The following ZBTB1 variants were observed in gnomAD, a reference collection of about 807,000 sequenced individuals.
The protein encoded by ZBTB1 is zinc finger and BTB domain-containing protein 1.
A neutral mutation model predicts 51.6 loss-of-function variants in ZBTB1; 13 were observed. That is an observed-to-expected ratio of 0.25 (90% CI 0.16 to 0.40). The LOEUF is 0.40. Among genes scored for constraint, ZBTB1 ranks in the 10% least tolerant of loss-of-function variants. The pLI is 1.00. For missense variants in ZBTB1, 567 were observed against 856.5 expected, an observed-to-expected ratio of 0.66 and a Z score of 4.22; for synonymous variants, 240 against 282.2, an observed-to-expected ratio of 0.85 and a Z score of 1.50.
Position 64,521,975 on chromosome 14 carries a change from C to T in ZBTB1, c.471C>T (p.Asn157=). ...TGGCTCGAAATGGCAATGAAGCCAACAGGTGGTGTGCAGAGCCAAGTTCAA... is the reference window on the plus strand; with the variant it reads ...TGGCTCGAAATGGCAATGAAGCCAATAGGTGGTGTGCAGAGCCAAGTTCAA... The part of the protein sequence containing the change: ...DTVARNGNEA[N]RWCAEPSSTV... Residue 157 remains asparagine, a synonymous_variant, in exon 2 of 2, where the codon AAC becomes AAT. Transcript: ENST00000683701. 6.2e-7 allele frequency: 1 copy of T among 1,614,150 alleles called. No individual in the cohort carries two copies. The highest frequency in any genetic ancestry group is 8.5e-7 in the Non-Finnish European group (1 of 1,180,038).
intron 1 of ZBTB1, among the ~76,000 whole-genome samples, chr14:64,520,761 C>G (rs1322489982): frequency 6.6e-6 from 1 of 152,096 alleles, no homozygotes; most frequent in Non-Finnish European, 1.5e-5. Context: ...TAGTATTAAT[C>G]ATTTAATAAG....
At chr14:64,516,740 G>T (rs2079790743) in intron 1 of ZBTB1, 1 of 152,136 alleles carries the variant, frequency 6.6e-6, no homozygotes, top group South Asian at 2.1e-4. Flanking sequence ...TACAGTGCCT[G>T]GTATACCAAA....
intron 1 of ZBTB1, among the ~76,000 whole-genome samples, chr14:64,507,163 T>G (rs961297006): frequency 3.5e-4 from 53 of 152,280 alleles, no homozygotes; most frequent in African/African-American, 1.3e-3. Context: ...AGATTTTTGT[T>G]AATAAGCTGC....
chr14:64,529,496 G>C (rs879739640), downstream of ZBTB1, among the ~76,000 whole-genome samples: 17 of 152,174 alleles, frequency 1.1e-4, no homozygotes, highest in Admixed American at 2.6e-4. Context: ...TCTTAGCCAG[G>C]CACAGTAGCT....
In ZBTB1 at chr14:64,522,343, A is replaced by G; in HGVS notation, c.839A>G (p.Gln280Arg). 1 of 1,614,220 alleles carries G rather than the reference A, an allele frequency of 6.2e-7. No homozygotes were observed. ...GATTCTTCCAAAACATTTTCTGCACAGACGGACAAATACAGAGGAGACACA... is the reference window on the plus strand; with the variant it reads ...GATTCTTCCAAAACATTTTCTGCACGGACGGACAAATACAGAGGAGACACA... ...EKDSSKTFSA[Q>R]TDKYRGDTSQ... Residue 280 changes from glutamine to arginine, a missense_variant, in exon 2 of 2, where the codon CAG becomes CGG. By Grantham distance (43) the Gln-to-Arg change is conservative. Coordinates refer to ENST00000683701, the MANE Select transcript of ZBTB1 (RefSeq NM_001123329.2).
intron 1 of ZBTB1, among the ~76,000 whole-genome samples, chr14:64,520,588 G>C (rs986581803): frequency 2.6e-5 from 4 of 152,014 alleles, no homozygotes; most frequent in Admixed American, 2.6e-4. Context: ...GGCCAATCTT[G>C]TATCATCTAT....
chr14:64,524,159 T>G lies in ZBTB1; in HGVS notation c.*513T>G. The G allele has an allele frequency of 1.0e-6, 1 of 985,300 alleles. No individual in the cohort carries two copies. Among genetic ancestry groups the G allele is most frequent in the Non-Finnish European group, 1.2e-6 (1 of 829,862 alleles). The allele number at this position is 985,300 out of a possible 1,614,324, so 61.0% of individuals were successfully genotyped here. A position where few individuals can be genotyped will look rare whatever the true frequency, so the allele number is the denominator to read the frequency against. On this transcript the variant is annotated 3_prime_UTR_variant, in exon 2 of 2. Coordinates refer to ENST00000683701, the MANE Select transcript of ZBTB1 (RefSeq NM_001123329.2). ...AATTCATATTCTTAAATTGACAAGC[T>G]TATTAGGCAAGTTAGGTGCACTGAA...
chr14:64,510,805 C>T (rs188915862), intron 1 of ZBTB1, among the ~76,000 whole-genome samples: 9 of 152,104 alleles, frequency 5.9e-5, no homozygotes, highest in African/African-American at 1.9e-4. Context: ...TTTTCTTCTT[C>T]ATGAATCATC....
chr14:64,518,930 A>ATATATATG (rs1555348540), intron 1 of ZBTB1, among the ~76,000 whole-genome samples: 1 of 143,040 alleles, frequency 7.0e-6, no homozygotes, highest in Non-Finnish European at 1.5e-5. Flanking sequence ...ATATATATAT[A>ATATATATG]TATATAGTAT....
chr14:64,524,386 TATTAA>T lies in ZBTB1; in HGVS notation c.*744_*748del. On this transcript the variant is annotated 3_prime_UTR_variant, in exon 2 of 2. Transcript: ENST00000683701. ...GGGGATAAGCCATTTTGTTTTGTGA[TATTAA>T]ATTTAACTATGATAGTTAATTAAAA... is the stretch of plus-strand genomic sequence containing the variant. 2.4e-6 allele frequency: 2 copies of T among 840,568 alleles called. No homozygotes were observed. The highest frequency in any genetic ancestry group is 2.9e-6 in the Non-Finnish European group (2 of 698,208). 52.1% of individuals were successfully genotyped at this position (840,568 alleles called of 1,614,324 possible).
intron 1 of ZBTB1, among the ~76,000 whole-genome samples, chr14:64,511,695 C>T (rs548407383): frequency 6.6e-6 from 1 of 152,186 alleles, no homozygotes; most frequent in African/African-American, 2.4e-5. Flanking sequence ...GATCAGCACA[C>T]CTTTCAGAAG....
At chr14:64,518,036 C>T (rs772121430) in intron 1 of ZBTB1, among the ~76,000 whole-genome samples, 2 of 151,798 alleles carry the variant, frequency 1.3e-5, no homozygotes, top group African/African-American at 2.4e-5. Flanking sequence ...GGGGTTTCAC[C>T]ATGTTGGCCA....
intron 1 of ZBTB1, among the ~76,000 whole-genome samples, chr14:64,519,149 C>G (rs1245473025): frequency 1.5e-5 from 2 of 133,178 alleles, no homozygotes; most frequent in African/African-American, 5.6e-5. Context: ...TTTTTTGCTA[C>G]TTTTTTTTTT....
At chr14:64,529,652 TC>T (rs1566638929), downstream of ZBTB1, among the ~76,000 whole-genome samples, 1 of 152,082 alleles carries the variant, frequency 6.6e-6, no homozygotes, top group Non-Finnish European at 1.5e-5. Flanking sequence ...ATGCCTGTAG[TC>T]CCAGTTACTT....
intron 1 of ZBTB1, among the ~76,000 whole-genome samples, chr14:64,505,768 G>C (rs1300400375): frequency 2.0e-5 from 3 of 152,228 alleles, no homozygotes; most frequent in Admixed American, 1.3e-4. Context: ...GTTTTCTGGG[G>C]ATAGGACATT....
chr14:64,514,478 A>G (rs1406878353), intron 1 of ZBTB1: 1 of 152,222 alleles, frequency 6.6e-6, no homozygotes, highest in Non-Finnish European at 1.5e-5. Context: ...TTATTTATAG[A>G]CCCTTAAATT....
intron 2 of ZBTB1, among the ~76,000 whole-genome samples, chr14:64,530,363 C>CT (rs1326912908): frequency 1.3e-5 from 2 of 152,158 alleles, no homozygotes; most frequent in Admixed American, 6.5e-5. Flanking sequence ...AATCCCAGCA[C>CT]TTTGAGAGGC....
At position 64,522,902 on chromosome 14, in the gene ZBTB1, T is replaced by C. The variant is rs759211136; in HGVS notation, c.1398T>C (p.His466=). 6 of 1,614,026 alleles carry C rather than the reference T, an allele frequency of 3.7e-6. No individual in the cohort carries two copies. The highest frequency in any genetic ancestry group is 5.1e-6 in the Non-Finnish European group (6 of 1,180,030). ...ILVKGRQLQE[H]AQRCGEPQDL... is the part of the protein sequence containing the mutation. ...TAAAGGGTAGGCAGCTTCAGGAACA[T>C]GCTCAACGATGTGGCGAGCCCCAAG... The change falls in exon 2 of 2, where the codon CAT becomes CAC. Residue 466 remains histidine, a synonymous_variant. Transcript: ENST00000683701.
intron 1 of ZBTB1, among the ~76,000 whole-genome samples, chr14:64,509,672 A>T (rs572135608): frequency 1.8e-4 from 27 of 152,140 alleles, no homozygotes; most frequent in East Asian, 5.8e-4. Flanking sequence ...AATTTTTTTT[A>T]AAATGTGTAG....
Sources: allele counts gnomAD v4.1 joint callset (sites outside exome capture counted in the v4.1 genomes callset), GRCh38; gene constraint gnomAD v4.1.1; transcripts MANE v1.5; gene names NCBI Gene and HGNC (gene_info 2026-07-23, HGNC 2026-07-21).